PLEKHA7: variants seen among roughly 807,000 people sequenced by gnomAD.
The protein encoded by PLEKHA7 is pleckstrin homology domain containing A7.
In PLEKHA7, 104 loss-of-function variants were observed where a neutral mutation model predicts 170.0. That is an observed-to-expected ratio of 0.61 (90% CI 0.52 to 0.72). The LOEUF (loss-of-function observed/expected upper bound fraction) is 0.72, where lower values mean the gene tolerates loss of function less well. PLEKHA7 is among the 30% of genes least tolerant of loss of function. PLEKHA7 has a pLI of 0.00. For missense variants in PLEKHA7, 1,615 were observed against 1,671.7 expected (o/e 0.97, Z 0.59); for synonymous variants, 648 against 660.8 (o/e 0.98, Z 0.30).
intron 3 of PLEKHA7, among the ~76,000 whole-genome samples, chr11:17,000,674 T>G (rs1864611574): frequency 6.6e-6 from 1 of 152,190 alleles, no homozygotes; most frequent in African/African-American, 2.4e-5. Context: ...AATTCCTATA[T>G]AGCATGTACA....
intron 3 of PLEKHA7, among the ~76,000 whole-genome samples, chr11:16,904,976 G>C (rs1405038914): frequency 6.6e-6 from 1 of 152,182 alleles, no homozygotes; most frequent in Non-Finnish European, 1.5e-5. Context: ...GACAGGGCTG[G>C]ACACAGTGAC....
chr11:16,907,171 GC>G (rs1565100246), intron 3 of PLEKHA7, among the ~76,000 whole-genome samples: 3 of 112,984 alleles, frequency 2.7e-5, no homozygotes. Context: ...GGGGGGGTTA[GC>G]CCCCCGCCCG....
intron 3 of PLEKHA7, among the ~76,000 whole-genome samples, chr11:16,966,290 ATGTGTGTG>A (rs112176840): frequency 0.16 from 24,481 of 148,968 alleles, 2,376 homozygotes; most frequent in Non-Finnish European, 0.23. Context: ...TTGTGCATGT[ATGTGTGTG>A]TGTGTGTGTG....
intron 9 of PLEKHA7, 34 bp from the exon 10 acceptor site, chr11:16,826,624 C>A: frequency 6.4e-7 from 1 of 1,559,610 alleles, no homozygotes; most frequent in South Asian, 1.2e-5. Context: ...GTTTGCTCCA[C>A]AGCCAAGACT....
At chr11:16,874,899 C>T (rs1855157868) in intron 3 of PLEKHA7, among the ~76,000 whole-genome samples, 1 of 152,206 alleles carries the variant, frequency 6.6e-6, no homozygotes, top group Non-Finnish European at 1.5e-5. Flanking sequence ...ACTTCATATA[C>T]ACTGCACAAT....
chr11:16,995,135 T>C (rs2136987515), intron 3 of PLEKHA7, among the ~76,000 whole-genome samples: 1 of 152,300 alleles, frequency 6.6e-6, no homozygotes, highest in South Asian at 2.1e-4. Context: ...ATCCCCATTT[T>C]TCAGATGAGG....
intron 3 of PLEKHA7, among the ~76,000 whole-genome samples, chr11:17,004,832 T>A (rs1864888200): frequency 6.6e-6 from 1 of 152,248 alleles, no homozygotes; most frequent in Admixed American, 6.5e-5. Flanking sequence ...AAAATATTTC[T>A]CATTTCAGAA....
chr11:16,994,336 G>T (rs1281624354), intron 3 of PLEKHA7, among the ~76,000 whole-genome samples: 1 of 152,174 alleles, frequency 6.6e-6, no homozygotes, highest in Non-Finnish European at 1.5e-5. Flanking sequence ...TTTTTAACTA[G>T]GTCCCCCAGG....
intron 3 of PLEKHA7, among the ~76,000 whole-genome samples, chr11:16,996,742 C>T (rs183081666): frequency 2.6e-5 from 4 of 152,288 alleles, no homozygotes; most frequent in Admixed American, 1.3e-4. Flanking sequence ...CGAGACCATC[C>T]TGGCTAACAC....
At position 16,782,796 on chromosome 11, in the gene PLEKHA7, C is replaced by T. The variant is rs1470986444; in HGVS notation, c.3751G>A (p.Ala1251Thr). 8 of 1,536,072 alleles carry T rather than the reference C, an allele frequency of 5.2e-6. No homozygotes were observed. Among genetic ancestry groups the T allele is most frequent in the Admixed American group, 2.0e-5 (1 of 50,994 alleles). Residue 1251 changes from alanine (A) to threonine (T), a missense_variant, in exon 26 of 27, where the codon GCC (alanine) becomes ACC (threonine). Ala to Thr is a moderately conservative substitution (Grantham distance 58). Coordinates refer to ENST00000531066, the MANE Select transcript of PLEKHA7 (RefSeq NM_001329630.2). ...CGCTGGGAGGCCTCGGAGGCCAGGGCGTAGGAGATGTTGATGATGCGCTCC... is the reference window on the plus strand; with the variant it reads ...CGCTGGGAGGCCTCGGAGGCCAGGGTGTAGGAGATGTTGATGATGCGCTCC... ...EQERIINISY[A>T]LASEASQRSK...
At chr11:16,796,004 G>A (rs1246520335) in intron 17 of PLEKHA7, among the ~76,000 whole-genome samples, 3 of 151,568 alleles carry the variant, frequency 2.0e-5, no homozygotes, top group South Asian at 2.1e-4. Flanking sequence ...AATTACAGGC[G>A]CCCACCACCA....
chr11:17,002,495 A>G (rs149209407), intron 3 of PLEKHA7, among the ~76,000 whole-genome samples: 134 of 152,202 alleles, frequency 8.8e-4, no homozygotes, highest in African/African-American at 3.1e-3. Context: ...TTTGGAGCCA[A>G]GAAGACTTCG....
chr11:16,903,264 C>T (rs1178756709), intron 3 of PLEKHA7, among the ~76,000 whole-genome samples: 7 of 152,190 alleles, frequency 4.6e-5, no homozygotes, highest in South Asian at 2.1e-4. Context: ...GCCATGCACA[C>T]GGCCTGGCAT....
chr11:16,794,510 G>C lies in PLEKHA7; in HGVS notation c.2723C>G (p.Pro908Arg). 3.7e-6 allele frequency: 6 copies of C among 1,613,866 alleles called. No homozygotes were observed. Among genetic ancestry groups the C allele is most frequent in the Non-Finnish European group, 5.1e-6 (6 of 1,179,984 alleles). Residue 908 changes from proline to arginine, a missense_variant, in exon 19 of 27, where the codon CCA becomes CGA. Transcript: ENST00000531066. ...TACAACTTTGGGCTTCGCCTTAGTT[G>C]GTGACTGAAGGGGGGATGTCACTTT... ...LRKVTSPLQS[P>R]TKAKPKVEDE...
intron 3 of PLEKHA7, among the ~76,000 whole-genome samples, chr11:17,007,128 G>A (rs1423573819): frequency 2.0e-5 from 3 of 152,190 alleles, no homozygotes; most frequent in South Asian, 2.1e-4. Flanking sequence ...TGCTGCCCAG[G>A]GGGGCATGGA....
intron 9 of PLEKHA7, among the ~76,000 whole-genome samples, chr11:16,835,970 T>A (rs1036657229): frequency 1.3e-5 from 2 of 152,216 alleles, no homozygotes; most frequent in African/African-American, 4.8e-5. Context: ...CCTCGCGGCC[T>A]GGATAGGGCT....
rs1211513894 is a variant in PLEKHA7 at position 16,965,379 on chromosome 11, G to GT, written c.221+48609dup. Among the ~76,000 whole-genome samples, 7 of 152,150 alleles carry GT rather than the reference G, an allele frequency of 4.6e-5. No individual in the cohort carries two copies. In the East Asian group the frequency reaches 1.2e-3, roughly 25 times the overall value. Reference sequence around the variant, plus strand: ...TTAGACCAATTCTTCCTTTGTTGTAGTTTTTTCCTCTGAATTTTAATGTAT... The same window carrying GT: ...TTAGACCAATTCTTCCTTTGTTGTAGTTTTTTTCCTCTGAATTTTAATGTAT... On this transcript the variant is annotated intron_variant, in intron 3 of 26. Coordinates refer to ENST00000531066, the MANE Select transcript of PLEKHA7 (RefSeq NM_001329630.2).
At position 16,791,238 on chromosome 11, in the gene PLEKHA7, G is replaced by A. The variant is rs371000276; in HGVS notation, c.2746-39C>T. On this transcript the variant is annotated intron_variant, in intron 19 of 26. Coordinates refer to ENST00000531066, the MANE Select transcript of PLEKHA7 (RefSeq NM_001329630.2). The surrounding 1 kb of genome is among the most constrained non-coding windows in gnomAD (Gnocchi z 4.5). ...GAACCAGACCAGTGGTCAGCGAGAC[G>A]GAGCTGGAGGGAGGACTGCTAGGTA... 4.7e-5 allele frequency: 72 copies of A among 1,530,168 alleles called. No individual in the cohort carries two copies. In the African/African-American group the frequency reaches 6.1e-4, roughly 13 times the overall value. 94.8% of individuals were successfully genotyped at this position (1,530,168 alleles called of 1,614,324 possible).
At chr11:16,985,562 A>G (rs1288030251) in intron 3 of PLEKHA7, among the ~76,000 whole-genome samples, 1 of 152,226 alleles carries the variant, frequency 6.6e-6, no homozygotes, top group Non-Finnish European at 1.5e-5. Flanking sequence ...GCCACACACA[A>G]CAGCTAGACA....
Sources: gnomAD v4.1 joint callset for allele counts (sites outside exome capture counted in the v4.1 genomes callset) on GRCh38, gnomAD v4.1.1 for gene constraint, Gnocchi (gnomAD v3.1) non-coding constraint, MANE v1.5 for transcripts, NCBI Gene and HGNC (gene_info 2026-07-23, HGNC 2026-07-21) for gene names.